The following ADD3 variants were observed in gnomAD, a reference collection of about 807,000 sequenced individuals.
ADD3 encodes gamma-adducin.
Under a neutral mutation model 80.2 loss-of-function variants are expected in ADD3, and 25 were observed. The ratio of observed to expected loss-of-function variants is 0.31; its 90% CI spans 0.23 to 0.44. The LOEUF (loss-of-function observed/expected upper bound fraction) is 0.44. Among genes scored for constraint, ADD3 ranks in the 20% least tolerant of loss-of-function variants. ADD3 has a pLI of 1.00. For missense variants in ADD3, 829 were observed against 847.5 expected (o/e 0.98, Z 0.27); for synonymous variants, 284 against 289.6 (o/e 0.98, Z 0.20).
rs2134100268 is a variant in ADD3 at position 110,117,392 on chromosome 10, A to G, written c.537A>G (p.Leu179=). ...QDHIIIIPRG[L]SFSEATASNL... is the part of the protein sequence containing the mutation. ...ACATTATAATAATTCCCAGAGGCCTATCTTTTTCTGAAGCTACAGCCTCCA... is the reference window on the plus strand; with the variant it reads ...ACATTATAATAATTCCCAGAGGCCTGTCTTTTTCTGAAGCTACAGCCTCCA... Residue 179 remains leucine, a synonymous_variant, in exon 5 of 15, where the codon CTA becomes CTG. Coordinates refer to ENST00000356080, the MANE Select transcript of ADD3 (RefSeq NM_016824.5). 4 of 1,607,774 alleles carry G rather than the reference A, an allele frequency of 2.5e-6. No individual in the cohort carries two copies. The highest frequency in any genetic ancestry group is 2.2e-5 in the East Asian group (1 of 44,754).
chr10:110,064,389 C>G (rs933087009), intron 1 of ADD3, among the ~76,000 whole-genome samples: 1 of 152,228 alleles, frequency 6.6e-6, no homozygotes, highest in South Asian at 2.1e-4. Flanking sequence ...CTTGCCAGTA[C>G]TTGATATTAA....
At chr10:110,027,570 C>A (rs1358403833) in intron 1 of ADD3, among the ~76,000 whole-genome samples, 1 of 152,144 alleles carries the variant, frequency 6.6e-6, no homozygotes, top group Non-Finnish European at 1.5e-5. Context: ...TTACACTTAG[C>A]ACATCTTAAT....
intron 1 of ADD3, among the ~76,000 whole-genome samples, chr10:109,998,853 G>A (rs1851429804): frequency 6.7e-6 from 1 of 149,652 alleles, no homozygotes. Context: ...CCCCACCCTA[G>A]TCATTGTCAA....
chr10:110,080,218 T>C (rs1454291608), intron 1 of ADD3, among the ~76,000 whole-genome samples: 1 of 152,192 alleles, frequency 6.6e-6, no homozygotes, highest in Non-Finnish European at 1.5e-5. Flanking sequence ...CAAAGTCGGG[T>C]AACTTGGGTG....
chr10:110,021,531 T>C (rs1853674401), intron 1 of ADD3, among the ~76,000 whole-genome samples: 1 of 152,184 alleles, frequency 6.6e-6, no homozygotes, highest in South Asian at 2.1e-4. Flanking sequence ...TATGCAGTCA[T>C]AAAAAGGAAT....
At chr10:110,021,889 A>G (rs1853719100) in intron 1 of ADD3, among the ~76,000 whole-genome samples, 1 of 152,228 alleles carries the variant, frequency 6.6e-6, no homozygotes. Flanking sequence ...TCAAGTTTTT[A>G]AAAATACCAG....
Position 110,134,239 on chromosome 10 carries a change from A to T in ADD3, c.*621A>T, listed in dbSNP as rs768946632. The T allele has an allele frequency of 1.3e-5, 2 of 152,564 alleles. No individual in the cohort carries two copies. The highest frequency in any genetic ancestry group is 2.9e-5 in the Non-Finnish European group (2 of 68,012). 9.5% of individuals were successfully genotyped at this position (152,564 alleles called of 1,614,324 possible). On this transcript the variant is annotated 3_prime_UTR_variant, in exon 15 of 15. Transcript: ENST00000356080. ...TGTTTTAATAAACTATAATTTTTGA[A>T]AACTTCCTTTTTTATTAGTTTAGAA... is the stretch of plus-strand genomic sequence containing the variant.
intron 4 of ADD3, 38 bp from the exon 5 acceptor site, chr10:110,117,304 A>G: frequency 9.3e-7 from 1 of 1,078,668 alleles, no homozygotes; most frequent in Non-Finnish European, 1.4e-6. Context: ...CAAAATATGA[A>G]CCACTTCATA....
At chr10:110,059,708 G>A (rs1858648820) in intron 1 of ADD3, among the ~76,000 whole-genome samples, 1 of 152,182 alleles carries the variant, frequency 6.6e-6, no homozygotes, top group Admixed American at 6.5e-5. Context: ...GGCGGAGGTT[G>A]CAGTGAGCCA....
chr10:110,036,266 C>A (rs1471342915), intron 1 of ADD3, among the ~76,000 whole-genome samples: 1 of 151,950 alleles, frequency 6.6e-6, no homozygotes, highest in East Asian at 1.9e-4. Flanking sequence ...CCATGGAGTC[C>A]AGTTTCATTA....
intron 1 of ADD3, among the ~76,000 whole-genome samples, chr10:110,053,972 G>A (rs1338580218): frequency 1.3e-5 from 2 of 152,198 alleles, no homozygotes; most frequent in Non-Finnish European, 2.9e-5. Context: ...ACCTGGAAAT[G>A]GGAGATGTGT....
At chr10:110,062,199 C>T (rs1320232246) in intron 1 of ADD3, among the ~76,000 whole-genome samples, 4 of 71,334 alleles carry the variant, frequency 5.6e-5, no homozygotes, top group Non-Finnish European at 7.0e-5. Context: ...ACTGTCTCTA[C>T]TAAAAAAAAA....
At chr10:110,037,604 CAAAA>C (rs998064830) in intron 1 of ADD3, among the ~76,000 whole-genome samples, 1 of 51,114 alleles carries the variant, frequency 2.0e-5, no homozygotes, top group Non-Finnish European at 4.2e-5. Context: ...GACTCAGTCT[CAAAA>C]AAAAAAAAAA....
At chr10:110,105,497 G>C (rs186872306) in intron 2 of ADD3, among the ~76,000 whole-genome samples, 127 of 152,284 alleles carry the variant, frequency 8.3e-4, no homozygotes, top group Middle Eastern at 6.8e-3. Context: ...TTAAACATTT[G>C]AATATTGTCC....
intron 1 of ADD3, among the ~76,000 whole-genome samples, chr10:110,035,283 A>G (rs543659914): frequency 6.6e-6 from 1 of 152,188 alleles, no homozygotes; most frequent in African/African-American, 2.4e-5. Flanking sequence ...CCTTGCTGCT[A>G]TACCTTCATT....
intron 1 of ADD3, among the ~76,000 whole-genome samples, chr10:110,056,762 T>G (rs944931229): frequency 2.0e-5 from 3 of 152,202 alleles, no homozygotes; most frequent in Admixed American, 6.5e-5. Context: ...GGCACACATT[T>G]AAATTCTAAG....
chr10:110,131,545 C>G lies in ADD3; in HGVS notation c.1733-760C>G, dbSNP rs1364012087. On this transcript the variant is annotated intron_variant, in intron 13 of 14. Transcript: ENST00000356080. ...AAGCCAATAGTTAATGAATTTTTGT[C>G]CATGTTAGATATCATTTAGGAAGAA... Among the ~76,000 whole-genome samples the G allele has an allele frequency of 2.0e-5, 3 of 152,178 alleles. No individual in the cohort carries two copies. In the East Asian group the frequency reaches 5.8e-4, roughly 29 times the overall value.
intron 1 of ADD3, among the ~76,000 whole-genome samples, chr10:110,049,478 T>C (rs919683251): frequency 1.3e-5 from 2 of 152,188 alleles, no homozygotes; most frequent in African/African-American, 4.8e-5. Context: ...AGTGGTGCTG[T>C]ATTCTGCAAA....
intron 1 of ADD3, among the ~76,000 whole-genome samples, chr10:110,091,674 A>G (rs1847533386): frequency 6.6e-6 from 1 of 152,214 alleles, no homozygotes. Context: ...ACCTAAAACT[A>G]TAAACTCTAG....
Sources: gnomAD v4.1 joint callset for allele counts (sites outside exome capture counted in the v4.1 genomes callset) on GRCh38, gnomAD v4.1.1 for gene constraint, MANE v1.5 for transcripts, NCBI Gene and HGNC (gene_info 2026-07-23, HGNC 2026-07-21) for gene names.